The following KANSL1L variants were observed in gnomAD, a reference collection of about 807,000 sequenced individuals.
KANSL1L encodes KAT8 regulatory NSL complex subunit 1 like, also known as KAT8 regulatory NSL complex subunit 1-like protein.
In KANSL1L, 25 loss-of-function variants were observed where a neutral mutation model predicts 108.6. The observed-to-expected ratio is 0.23, with a 90% CI of 0.17 to 0.32. KANSL1L has a LOEUF of 0.32. KANSL1L is among the 10% of genes least tolerant of loss of function. The pLI, the probability that KANSL1L is intolerant of heterozygous loss-of-function variation, is 1.00. For synonymous variants in KANSL1L, 405 were observed against 395.1 expected (o/e 1.03, Z -0.30); for missense variants, 1,137 against 1,125.7 (o/e 1.01, Z -0.14).
intron 3 of KANSL1L, among the ~76,000 whole-genome samples, chr2:210,105,304 T>TA (rs1229120424): frequency 3.4e-5 from 5 of 148,166 alleles, no homozygotes; most frequent in Admixed American, 1.4e-4. Context: ...TATACTGATA[T>TA]TACATATATT....
chr2:210,101,461 T>C (rs963503738), intron 4 of KANSL1L, among the ~76,000 whole-genome samples: 8 of 152,160 alleles, frequency 5.3e-5, no homozygotes, highest in Admixed American at 3.9e-4. Flanking sequence ...TTTAAACAGA[T>C]TACAATTTCC....
chr2:210,071,529 A>C (rs370173618), intron 6 of KANSL1L, among the ~76,000 whole-genome samples: 181 of 152,200 alleles, frequency 1.2e-3, no homozygotes, highest in African/African-American at 4.0e-3. Context: ...TCGGCCTCCC[A>C]AAGTGTTGGG....
intron 9 of KANSL1L, chr2:210,030,621 A>G (rs1340257644): frequency 6.6e-6 from 1 of 151,390 alleles, no homozygotes; most frequent in Non-Finnish European, 1.5e-5. Context: ...TAAAATGAGA[A>G]TATTTCCTGC....
At chr2:210,061,562 G>T (rs1481785568) in intron 6 of KANSL1L, among the ~76,000 whole-genome samples, 1 of 152,140 alleles carries the variant, frequency 6.6e-6, no homozygotes, top group Admixed American at 6.5e-5. Flanking sequence ...GTATTATTCT[G>T]AAAAACATTT....
intron 2 of KANSL1L, chr2:210,152,703 G>C (rs2095311153): frequency 6.6e-6 from 1 of 152,150 alleles, no homozygotes; most frequent in Non-Finnish European, 1.5e-5. Flanking sequence ...TTAAAGGTCA[G>C]TTCTGAAAGC....
intron 2 of KANSL1L, among the ~76,000 whole-genome samples, chr2:210,140,218 A>G (rs1458234176): frequency 1.3e-5 from 2 of 151,874 alleles, no homozygotes; most frequent in East Asian, 3.9e-4. Flanking sequence ...TGCTTTTGTT[A>G]CCTGTGCTTT....
At chr2:210,057,739 T>C (rs1156286558) in intron 6 of KANSL1L, among the ~76,000 whole-genome samples, 1 of 152,222 alleles carries the variant, frequency 6.6e-6, no homozygotes, top group East Asian at 1.9e-4. Flanking sequence ...ATTAATACTT[T>C]TATAATTTCT....
intron 5 of KANSL1L, among the ~76,000 whole-genome samples, chr2:210,085,458 G>A (rs2094628252): frequency 6.6e-6 from 1 of 152,040 alleles, no homozygotes; most frequent in Non-Finnish European, 1.5e-5. Flanking sequence ...AAAGAGACGA[G>A]GAAACCAATA....
intron 2 of KANSL1L, among the ~76,000 whole-genome samples, chr2:210,143,716 C>T (rs1471588218): frequency 1.3e-5 from 2 of 152,116 alleles, no homozygotes; most frequent in East Asian, 1.9e-4. Context: ...ATAATAACTT[C>T]AATCTCATAT....
intron 5 of KANSL1L, chr2:210,096,572 G>C (rs1320835014): frequency 5.2e-5 from 51 of 984,424 alleles, no homozygotes; most frequent in Non-Finnish European, 6.0e-5. Flanking sequence ...GGTAAACAAA[G>C]TATTATCTAA....
chr2:210,038,078 T>A (rs1256304562), intron 8 of KANSL1L, among the ~76,000 whole-genome samples: 1 of 152,138 alleles, frequency 6.6e-6, no homozygotes, highest in Non-Finnish European at 1.5e-5. Context: ...ACTTTTAAGA[T>A]ATTTTTTAAG....
At chr2:210,143,889 G>A (rs540658413) in intron 2 of KANSL1L, among the ~76,000 whole-genome samples, 119 of 152,214 alleles carry the variant, frequency 7.8e-4, no homozygotes, top group Middle Eastern at 3.4e-3. Flanking sequence ...ACCATTATTA[G>A]AGTATTCTGA....
chr2:210,160,985 ATTTTTTT>A (rs753694386), intron 1 of KANSL1L, among the ~76,000 whole-genome samples: 5 of 133,436 alleles, frequency 3.7e-5, no homozygotes, highest in African/African-American at 5.7e-5. Context: ...CATACGGCCA[ATTTTTTT>A]TTTTTTTTTT....
rs758333835 is a variant in KANSL1L, at chr2:210,153,520, A to T, written c.1063T>A (p.Tyr355Asn). The T allele has an allele frequency of 2.1e-5, 34 of 1,614,018 alleles. No individual in the cohort carries two copies. Among genetic ancestry groups the T allele is most frequent in the Non-Finnish European group, 2.6e-5 (31 of 1,180,024 alleles). ...DSSSDDDLDEYTLRKNVAVNC... is the reference protein window; with the variant it reads ...DSSSDDDLDENTLRKNVAVNC... ...ACTGCCACATTTTTTCTAAGGGTAT[A>T]TTCATCCAAATCGTCATCAGAGCTG... Residue 355 changes from tyrosine (Y) to asparagine (N), a missense_variant, in exon 2 of 15, where the codon TAT becomes AAT. Tyr to Asn is a moderately radical substitution (Grantham distance 143, BLOSUM62 -2). Transcript: ENST00000281772.
At chr2:210,157,228 A>T (rs2095338670) in intron 1 of KANSL1L, among the ~76,000 whole-genome samples, 1 of 152,152 alleles carries the variant, frequency 6.6e-6, no homozygotes, top group African/African-American at 2.4e-5. Flanking sequence ...AGCACTCCTC[A>T]AAAGATACTA....
rs542888283 is a variant in KANSL1L, at chr2:210,022,291, G to C, written c.*658C>G. Reference sequence around the variant, plus strand: ...GAATTTCTGTAAATAACTTCTGTTGGTTAAACATGTTAAAACAACAACAAC... The same window carrying C: ...GAATTTCTGTAAATAACTTCTGTTGCTTAAACATGTTAAAACAACAACAAC... On this transcript the variant is annotated 3_prime_UTR_variant, in exon 15 of 15. Transcript: ENST00000281772. The C allele has an allele frequency of 1.0e-3, 152 of 152,174 alleles. No homozygotes were observed. The highest frequency in any genetic ancestry group is 3.4e-3 in the Middle Eastern group (1 of 294). The allele number at this position is 152,174 out of a possible 1,614,324, so 9.4% of individuals were successfully genotyped here. A position where few individuals can be genotyped will look rare whatever the true frequency, so the allele number is the denominator to read the frequency against.
chr2:210,104,436 T>C, intron 3 of KANSL1L, 135 bp from the exon 4 acceptor site: 1 of 650,992 alleles, frequency 1.5e-6, no homozygotes, highest in Non-Finnish European at 2.6e-6. Flanking sequence ...ATAGTTTAAC[T>C]CTGTAAAGAA....
chr2:210,031,262 TTAAC>T lies in KANSL1L; in HGVS notation c.2155+155_2155+158del, dbSNP rs573384470. On this transcript the variant is annotated intron_variant, in intron 9 of 14. Transcript: ENST00000281772. ...ATACCAGTCCACAAATAATTCTAAATTAACTACGAATATGCTGTTTCATGTTTGT... is the reference window on the plus strand; with the variant it reads ...ATACCAGTCCACAAATAATTCTAAATTACGAATATGCTGTTTCATGTTTGT... 8.4e-4 allele frequency: 463 copies of T among 549,034 alleles called. 6 individuals are homozygous for T. The highest frequency in any genetic ancestry group is 6.2e-3 in the South Asian group (260 of 42,222). The allele number at this position is 549,034 out of a possible 1,614,324, so 34.0% of individuals were successfully genotyped here.
intron 3 of KANSL1L, among the ~76,000 whole-genome samples, chr2:210,112,458 A>G (rs1009183633): frequency 6.6e-6 from 1 of 152,202 alleles, no homozygotes; most frequent in South Asian, 2.1e-4. Flanking sequence ...AAAGTGCTAA[A>G]GAAAAATAAC....
Sources: gnomAD v4.1 joint callset for allele counts (sites outside exome capture counted in the v4.1 genomes callset) on GRCh38, gnomAD v4.1.1 for gene constraint, MANE v1.5 for transcripts, NCBI Gene and HGNC (gene_info 2026-07-23, HGNC 2026-07-21) for gene names.